Variants in NELL1 observed in about 807,000 individuals in gnomAD.
NELL1 encodes the protein neural EGFL like 1, also known as protein kinase C-binding protein NELL1.
In NELL1, 76 loss-of-function variants were observed where a neutral mutation model predicts 107.4. The ratio of observed to expected loss-of-function variants is 0.71; its 90% confidence interval spans 0.59 to 0.86. The LOEUF (loss-of-function observed/expected upper bound fraction) is 0.86, where lower values mean the gene tolerates loss of function less well. Among genes scored for constraint, NELL1 ranks in the 40% least tolerant of loss-of-function variants. The pLI, the probability that NELL1 is intolerant of heterozygous loss-of-function variation, is 0.00. For synonymous variants in NELL1, 353 were observed against 341.2 expected, an observed-to-expected ratio of 1.03 and a Z score of -0.38; for missense variants, 1,024 against 1,005.5, an observed-to-expected ratio of 1.02 and a Z score of -0.25.
intron 2 of NELL1, among the ~76,000 whole-genome samples, chr11:20,724,741 A>G (rs1000318978): frequency 6.6e-6 from 1 of 152,054 alleles, no homozygotes; most frequent in East Asian, 1.9e-4. Context: ...ACATCTTCCC[A>G]TTACCCAGTT....
intron 12 of NELL1, among the ~76,000 whole-genome samples, chr11:21,094,497 G>T (rs1854594930): frequency 1.3e-5 from 2 of 152,198 alleles, no homozygotes; most frequent in South Asian, 4.1e-4. Context: ...GGGGGCTCCA[G>T]CCCCATATTT....
intron 4 of NELL1, among the ~76,000 whole-genome samples, chr11:20,857,027 A>G (rs944680154): frequency 1.2e-4 from 19 of 152,366 alleles, no homozygotes; most frequent in Admixed American, 8.5e-4. Context: ...CACTTGTTAT[A>G]TAATCACAGC....
intron 13 of NELL1, among the ~76,000 whole-genome samples, chr11:21,152,938 T>C (rs1311484947): frequency 6.6e-6 from 1 of 152,094 alleles, no homozygotes; most frequent in Non-Finnish European, 1.5e-5. Context: ...CACAGAAGAG[T>C]CTGATTTTAT....
intron 5 of NELL1, among the ~76,000 whole-genome samples, chr11:20,901,734 G>A (rs80089976): frequency 0.028 from 4,313 of 152,120 alleles, 112 homozygotes; most frequent in East Asian, 0.16. Flanking sequence ...TGATATCACT[G>A]CATTAATCAG....
intron 3 of NELL1, among the ~76,000 whole-genome samples, chr11:20,808,188 G>A (rs970859798): frequency 1.3e-5 from 2 of 152,102 alleles, no homozygotes; most frequent in Non-Finnish European, 2.9e-5. Flanking sequence ...TCTCATCCAA[G>A]GCTCATCCAG....
At chr11:20,726,877 T>G (rs1294344959) in intron 2 of NELL1, among the ~76,000 whole-genome samples, 3 of 152,026 alleles carry the variant, frequency 2.0e-5, no homozygotes, top group African/African-American at 7.2e-5. Flanking sequence ...ATAGTTTGCT[T>G]AGAATGATGG....
chr11:20,956,630 A>G (rs1262651243), intron 11 of NELL1, among the ~76,000 whole-genome samples: 2 of 149,222 alleles, frequency 1.3e-5, no homozygotes, highest in Non-Finnish European at 3.0e-5. Flanking sequence ...TGGGCAACAG[A>G]GCGAGACTCC....
At chr11:20,754,638 A>G (rs1339789924) in intron 2 of NELL1, among the ~76,000 whole-genome samples, 1 of 152,220 alleles carries the variant, frequency 6.6e-6, no homozygotes, top group Non-Finnish European at 1.5e-5. Flanking sequence ...TATTCATTTC[A>G]CTAACATTTT....
intron 2 of NELL1, among the ~76,000 whole-genome samples, chr11:20,777,327 A>C (rs1856769881): frequency 6.6e-6 from 1 of 152,274 alleles, no homozygotes; most frequent in Admixed American, 6.5e-5. Context: ...GCACAGTAAT[A>C]AGATATACAG....
chr11:21,541,538 G>C (rs1330560568), intron 16 of NELL1, among the ~76,000 whole-genome samples: 3 of 152,058 alleles, frequency 2.0e-5, no homozygotes, highest in Non-Finnish European at 4.4e-5. Flanking sequence ...GCGATAAAAA[G>C]GGGTAGAACC....
intron 2 of NELL1, among the ~76,000 whole-genome samples, chr11:20,743,752 G>A (rs1372843716): frequency 6.6e-6 from 1 of 152,098 alleles, no homozygotes; most frequent in African/African-American, 2.4e-5. Flanking sequence ...TGGTCACATG[G>A]CTCCAAATAT....
intron 14 of NELL1, among the ~76,000 whole-genome samples, chr11:21,310,073 A>C (rs1849717386): frequency 6.6e-6 from 1 of 151,858 alleles, no homozygotes. Context: ...ACATTAGATG[A>C]ATTATTTTTT....
intron 13 of NELL1, among the ~76,000 whole-genome samples, chr11:21,206,912 A>G (rs1024978250): frequency 2.0e-5 from 3 of 152,194 alleles, no homozygotes; most frequent in African/African-American, 7.2e-5. Context: ...CTGTGAAACC[A>G]AAAGAATCAC....
intron 14 of NELL1, among the ~76,000 whole-genome samples, chr11:21,318,997 T>A (rs1256285995): frequency 6.6e-6 from 1 of 152,052 alleles, no homozygotes; most frequent in Admixed American, 6.5e-5. Context: ...GAGGTAATAC[T>A]TGTAATGAGC....
In NELL1 at chr11:21,575,138, A is replaced by G; in HGVS notation, c.*116A>G. On this transcript the variant is annotated 3_prime_UTR_variant, in exon 20 of 20. Transcript: ENST00000357134. ...TGTTTTGTTTTTTTAACCACAGATA[A>G]TTGCCAAAGTTTCCACCTGAGGACG... 2 of 933,620 alleles carry G rather than the reference A, an allele frequency of 2.1e-6. No individual in the cohort carries two copies. The highest frequency in any genetic ancestry group is 2.9e-5 in the South Asian group (2 of 68,706). The allele number at this position is 933,620 out of a possible 1,614,324, so 57.8% of individuals were successfully genotyped here.
chr11:21,439,974 C>T (rs1353025983), intron 15 of NELL1, among the ~76,000 whole-genome samples: 7 of 152,050 alleles, frequency 4.6e-5, no homozygotes, highest in African/African-American at 1.7e-4. Flanking sequence ...AGAAATATTA[C>T]CTGCCTTTTG....
rs1242467428 is a variant in NELL1, at chr11:20,915,699, T to TTATATATATATATA, written c.604-2483_604-2482insTATATATATATATA. On this transcript the variant is annotated intron_variant, in intron 5 of 19. Coordinates refer to ENST00000357134, the MANE Select transcript of NELL1 (RefSeq NM_006157.5). ...TTTCATCTGTGGAAATCCTCATAGA[T>TTATATATATATATA]GATATATATATATATATATTTTTTT... Among the ~76,000 whole-genome samples the TTATATATATATATA allele has an allele frequency of 3.4e-4, 7 of 20,388 alleles. 1 individual carries two copies. Among genetic ancestry groups the TTATATATATATATA allele is most frequent in the African/African-American group, 7.0e-4 (7 of 9,988 alleles). 13.4% of individuals were successfully genotyped at this position (20,388 alleles called of 152,430 possible).
intron 3 of NELL1, 47 bp downstream of exon 3, chr11:20,783,877 G>C (rs562639693): frequency 1.3e-6 from 2 of 1,520,690 alleles, no homozygotes; most frequent in Non-Finnish European, 1.8e-6. Flanking sequence ...GAGTTAATGG[G>C]TTATACAAAA....
intron 15 of NELL1, among the ~76,000 whole-genome samples, chr11:21,460,875 C>A (rs1473296843): frequency 1.3e-5 from 2 of 151,984 alleles, no homozygotes; most frequent in Non-Finnish European, 2.9e-5. Flanking sequence ...CGAGATAAAT[C>A]ACTGGGGAAA....
Sources: allele counts gnomAD v4.1 joint callset (sites outside exome capture counted in the v4.1 genomes callset), GRCh38; gene constraint gnomAD v4.1.1; transcripts MANE v1.5; gene names NCBI Gene and HGNC (gene_info 2026-07-23, HGNC 2026-07-21).